Variants in CHN1 observed in about 807,000 individuals in gnomAD.
CHN1 encodes N-chimaerin.
Under a neutral mutation model 59.5 loss-of-function variants are expected in CHN1, and 37 were observed. The ratio of observed to expected loss-of-function variants is 0.62; its 90% CI spans 0.48 to 0.82. CHN1 has a LOEUF of 0.82. Ranked by LOEUF, CHN1 falls within the 40% of genes least tolerant of loss-of-function variation. The probability of loss-of-function intolerance (pLI) is 0.00; values close to 1 mark genes in which losing one functional copy is unlikely to be tolerated. For missense variants in CHN1, 469 were observed against 571.0 expected (o/e 0.82, Z 1.82); for synonymous variants, 206 against 200.4 (o/e 1.03, Z -0.24).
chr2:174,894,559 T>C (rs1445767865), intron 5 of CHN1, among the ~76,000 whole-genome samples: 8 of 149,828 alleles, frequency 5.3e-5, no homozygotes, highest in Non-Finnish European at 1.5e-5. Context: ...AAAAACAGTA[T>C]GGAGGTTCCT....
At chr2:174,823,476 A>G (rs1279277337) in intron 8 of CHN1, among the ~76,000 whole-genome samples, 1 of 152,144 alleles carries the variant, frequency 6.6e-6, no homozygotes, top group Non-Finnish European at 1.5e-5. Flanking sequence ...ATCCTGGCTA[A>G]CATGGTGAAA....
chr2:174,968,645 T>C (rs1379004285), intron 1 of CHN1, among the ~76,000 whole-genome samples: 1 of 152,216 alleles, frequency 6.6e-6, no homozygotes, highest in Non-Finnish European at 1.5e-5. Flanking sequence ...ATATGAAAGA[T>C]CTGGGGCTGT....
chr2:174,964,327 T>G (rs187649209), intron 1 of CHN1, among the ~76,000 whole-genome samples: 3 of 152,244 alleles, frequency 2.0e-5, no homozygotes, highest in East Asian at 1.9e-4. Context: ...GGTCTTGGAG[T>G]ATTATTCTCT....
At chr2:174,988,627 A>T (rs1237109763) in intron 1 of CHN1, among the ~76,000 whole-genome samples, 1 of 152,222 alleles carries the variant, frequency 6.6e-6, no homozygotes, top group Non-Finnish European at 1.5e-5. Flanking sequence ...GCAGCTATGA[A>T]TCTTCTTATA....
chr2:174,944,890 C>G lies in CHN1; in HGVS notation c.112G>C (p.Glu38Gln). The change falls in exon 3 of 13, where the codon GAG becomes CAG. Residue 38 changes from glutamate (E) to glutamine (Q), a missense_variant and splice_region_variant. Transcript: ENST00000409900. ...PHPRRITCTC[E>Q]VENRPKYYGR... ...GGTAGCAGTTTCATTACACCCACCT[C>G]GCAAGTACAGGTAATTCTTCGAGGA... is the stretch of plus-strand genomic sequence containing the variant. The G allele has an allele frequency of 1.3e-6, 2 of 1,580,298 alleles. No individual in the cohort carries two copies. Among genetic ancestry groups the G allele is most frequent in the Non-Finnish European group, 8.6e-7 (1 of 1,161,460 alleles).
At chr2:174,842,292 C>G (rs1007179182) in intron 7 of CHN1, among the ~76,000 whole-genome samples, 3 of 152,140 alleles carry the variant, frequency 2.0e-5, no homozygotes, top group Non-Finnish European at 4.4e-5. Flanking sequence ...GTGATAGACA[C>G]TGTTTCTGAA....
intron 1 of CHN1, among the ~76,000 whole-genome samples, chr2:174,952,446 G>T (rs754522902): frequency 1.3e-5 from 2 of 151,976 alleles, no homozygotes; most frequent in Non-Finnish European, 2.9e-5. Context: ...AAAACATCAA[G>T]GTTAACTTTT....
At chr2:174,971,842 T>C (rs1690768569) in intron 1 of CHN1, among the ~76,000 whole-genome samples, 1 of 152,156 alleles carries the variant, frequency 6.6e-6, no homozygotes, top group Non-Finnish European at 1.5e-5. Flanking sequence ...TCATCCTAGG[T>C]GACTACATCT....
Position 174,875,917 on chromosome 2 carries a change from A to G in CHN1, c.549+1923T>C. The G allele has an allele frequency of 3.0e-6, 2 of 672,478 alleles. 1 individual carries two copies. The highest frequency in any genetic ancestry group is 1.3e-4 in the South Asian group (2 of 14,972). 41.7% of individuals were successfully genotyped at this position (672,478 alleles called of 1,614,324 possible). On this transcript the variant is annotated intron_variant, in intron 6 of 12. Coordinates refer to ENST00000409900, the MANE Select transcript of CHN1 (RefSeq NM_001822.7). Reference sequence around the variant, plus strand: ...AGTGAGTAGATTTTAAGCCAGCTAGATTTAAGATGCATGCGGTTTAAAGCA... The same window carrying G: ...AGTGAGTAGATTTTAAGCCAGCTAGGTTTAAGATGCATGCGGTTTAAAGCA...
intron 1 of CHN1, among the ~76,000 whole-genome samples, chr2:174,986,457 C>T (rs531069396): frequency 3.3e-5 from 5 of 152,142 alleles, no homozygotes; most frequent in South Asian, 4.1e-4. Flanking sequence ...TATGTAAAGA[C>T]GAAAACAAAC....
intron 1 of CHN1, among the ~76,000 whole-genome samples, chr2:174,997,734 T>A (rs1350920058): frequency 6.6e-6 from 1 of 152,084 alleles, no homozygotes; most frequent in Non-Finnish European, 1.5e-5. Context: ...CAAAGTTCTA[T>A]ATAAAAGATA....
intron 5 of CHN1, among the ~76,000 whole-genome samples, chr2:174,897,931 G>A (rs904609143): frequency 7.9e-5 from 12 of 152,106 alleles, no homozygotes; most frequent in African/African-American, 1.9e-4. Context: ...TATTTCTGCC[G>A]CAGAGACTGC....
chr2:174,975,995 G>A (rs901438770), intron 1 of CHN1, among the ~76,000 whole-genome samples: 9 of 151,078 alleles, frequency 6.0e-5, no homozygotes, highest in African/African-American at 1.5e-4. Context: ...GCATGGTGGC[G>A]GGTGTCTGTA....
chr2:174,998,651 C>G (rs150984237), intron 1 of CHN1, among the ~76,000 whole-genome samples: 321 of 152,344 alleles, frequency 2.1e-3, no homozygotes, highest in African/African-American at 7.4e-3. Context: ...GCTGGCCTGA[C>G]TCATCTTCCC....
chr2:174,846,502 C>A (rs1686521306), intron 7 of CHN1: 1 of 1,416,428 alleles, frequency 7.1e-7, no homozygotes, highest in African/African-American at 1.5e-5. Context: ...ATATCCAAAG[C>A]TTTTTACCAG....
chr2:174,973,829 T>C (rs1175707064), intron 1 of CHN1, among the ~76,000 whole-genome samples: 1 of 152,236 alleles, frequency 6.6e-6, no homozygotes, highest in Non-Finnish European at 1.5e-5. Context: ...TTGTTATTAT[T>C]ATTACCATCA....
At chr2:174,884,046 C>G (rs1321965310) in intron 5 of CHN1, among the ~76,000 whole-genome samples, 3 of 149,950 alleles carry the variant, frequency 2.0e-5, no homozygotes, top group African/African-American at 7.4e-5. Flanking sequence ...CAGCTCACTG[C>G]AAGCTCCGCC....
intron 8 of CHN1, among the ~76,000 whole-genome samples, chr2:174,815,916 A>C (rs1306545245): frequency 1.3e-5 from 2 of 152,132 alleles, no homozygotes; most frequent in Admixed American, 6.6e-5. Flanking sequence ...CTAGTTTACA[A>C]AGTTTTTTTT....
chr2:174,832,045 C>T (rs188093674), intron 7 of CHN1, among the ~76,000 whole-genome samples: 2 of 152,150 alleles, frequency 1.3e-5, no homozygotes, highest in Middle Eastern at 3.4e-3. Context: ...TCTTGTGATC[C>T]ACAATTCTTT....
Sources: gnomAD v4.1 joint callset for allele counts (sites outside exome capture counted in the v4.1 genomes callset) on GRCh38, gnomAD v4.1.1 for gene constraint, MANE v1.5 for transcripts, NCBI Gene and HGNC (gene_info 2026-07-23, HGNC 2026-07-21) for gene names.